Variants in MTUS2 observed in about 807,000 individuals in gnomAD.
The protein encoded by MTUS2 is microtubule associated scaffold protein 2, also known as microtubule-associated tumor suppressor candidate 2.
MTUS2 carries 40 observed loss-of-function variants against 114.1 expected under a neutral mutation model. The observed-to-expected ratio is 0.35, with a 90% CI of 0.27 to 0.46. The LOEUF (loss-of-function observed/expected upper bound fraction) is 0.46. Among genes scored for constraint, MTUS2 ranks in the 20% least tolerant of loss-of-function variants. MTUS2 has a pLI of 1.00. For synonymous variants in MTUS2, 688 were observed against 672.0 expected, an observed-to-expected ratio of 1.02 and a Z score of -0.37; for missense variants, 1,679 against 1,705.4, an observed-to-expected ratio of 0.98 and a Z score of 0.27.
rs1713739622 is a variant in MTUS2, at chr13:29,364,148, A to G, written c.3117+4675A>G. On this transcript the variant is annotated intron_variant, in intron 8 of 15. Transcript: ENST00000612955. The stretch of plus-strand genomic sequence containing the variant: ...GCACAATTGCAAAACAGGTGAAACA[A>G]TAATCTAAAAGTTAAACACACAGAA... Among the ~76,000 whole-genome samples the G allele has an allele frequency of 2.0e-5, 3 of 152,224 alleles. No homozygotes were observed. In the South Asian group the frequency reaches 6.2e-4, roughly 32 times the overall value.
intron 2 of MTUS2, among the ~76,000 whole-genome samples, chr13:28,866,388 A>G (rs1053033066): frequency 2.0e-5 from 3 of 152,206 alleles, no homozygotes; most frequent in Admixed American, 6.5e-5. Flanking sequence ...ATGCTTATAC[A>G]GGTGTCCACG....
chr13:29,256,384 G>C (rs1897283947), intron 5 of MTUS2, among the ~76,000 whole-genome samples: 1 of 152,204 alleles, frequency 6.6e-6, no homozygotes, highest in Non-Finnish European at 1.5e-5. Context: ...ACTGAAGGGG[G>C]CCAGGTGCCA....
chr13:29,449,326 A>G (rs1878519590), intron 9 of MTUS2, among the ~76,000 whole-genome samples: 1 of 152,146 alleles, frequency 6.6e-6, no homozygotes, highest in Non-Finnish European at 1.5e-5. Context: ...CTCATTTATG[A>G]CTAGTAGCCC....
At chr13:29,445,234 C>T (rs1313992420) in intron 9 of MTUS2, among the ~76,000 whole-genome samples, 2 of 152,242 alleles carry the variant, frequency 1.3e-5, no homozygotes, top group African/African-American at 2.4e-5. Flanking sequence ...TTCTGATGCC[C>T]GGGGTGTGGA....
chr13:29,243,166 G>A (rs2139402555), intron 5 of MTUS2, among the ~76,000 whole-genome samples: 1 of 152,300 alleles, frequency 6.6e-6, no homozygotes, highest in South Asian at 2.1e-4. Context: ...ATTGTCATTA[G>A]CATATAAGAG....
chr13:29,386,184 C>G (rs1872619466), intron 8 of MTUS2, among the ~76,000 whole-genome samples: 1 of 152,146 alleles, frequency 6.6e-6, no homozygotes, highest in Admixed American at 6.5e-5. Flanking sequence ...AAAAAGTTAT[C>G]CTGACACTTG....
intron 5 of MTUS2, among the ~76,000 whole-genome samples, chr13:29,223,915 C>A (rs1373222614): frequency 6.6e-6 from 1 of 152,236 alleles, no homozygotes; most frequent in Non-Finnish European, 1.5e-5. Context: ...TGTGGTACAT[C>A]TGGTCCAACC....
At chr13:29,481,593 C>G (rs1188445823) in intron 10 of MTUS2, among the ~76,000 whole-genome samples, 2 of 152,202 alleles carry the variant, frequency 1.3e-5, no homozygotes, top group Admixed American at 6.5e-5. Flanking sequence ...TTGGGCTACC[C>G]TCCTCGGCTG....
chr13:29,128,814 C>G (rs1217540939), intron 5 of MTUS2, among the ~76,000 whole-genome samples: 5 of 152,088 alleles, frequency 3.3e-5, no homozygotes, highest in African/African-American at 9.7e-5. Flanking sequence ...CAGTTTTGAT[C>G]CATGTCTGGG....
intron 2 of MTUS2, among the ~76,000 whole-genome samples, chr13:28,944,380 T>C (rs895688528): frequency 6.6e-6 from 1 of 152,166 alleles, no homozygotes; most frequent in Non-Finnish European, 1.5e-5. Flanking sequence ...CTTTTATTTT[T>C]ATATATTTAA....
intron 2 of MTUS2, among the ~76,000 whole-genome samples, chr13:28,850,086 A>G (rs925996444): frequency 6.6e-6 from 1 of 152,158 alleles, no homozygotes; most frequent in Non-Finnish European, 1.5e-5. Context: ...CCTTTGGTTC[A>G]TCAGGGCCCA....
intron 5 of MTUS2, among the ~76,000 whole-genome samples, chr13:29,177,795 A>T (rs568230318): frequency 3.5e-4 from 53 of 152,274 alleles, no homozygotes; most frequent in Non-Finnish European, 7.1e-4. Context: ...CTATAGTAGC[A>T]TCGTGGAGAA....
chr13:29,161,620 A>C (rs565108350), intron 5 of MTUS2, among the ~76,000 whole-genome samples: 2 of 152,320 alleles, frequency 1.3e-5, no homozygotes, highest in South Asian at 4.1e-4. Context: ...ACTCTATGAA[A>C]GCATTGTCTA....
In MTUS2 at chr13:29,183,600, A is replaced by G. The variant is rs953355214; in HGVS notation, c.2644+82630A>G. On this transcript the variant is annotated intron_variant, in intron 5 of 15. Coordinates refer to ENST00000612955, the MANE Select transcript of MTUS2 (RefSeq NM_001033602.4). ...CAAGAGCATGTGTATAGGAAAAGAGAATGTTCAAGGGATGAATCTTGGGGA... is the reference window on the plus strand; with the variant it reads ...CAAGAGCATGTGTATAGGAAAAGAGGATGTTCAAGGGATGAATCTTGGGGA... Among the ~76,000 whole-genome samples, 3 of 152,150 alleles carry G rather than the reference A, an allele frequency of 2.0e-5. No individual in the cohort carries two copies. The East Asian group carries it at 5.8e-4, about 29-fold the overall frequency.
intron 5 of MTUS2, among the ~76,000 whole-genome samples, chr13:29,178,725 A>G (rs1320187511): frequency 1.3e-5 from 2 of 152,182 alleles, no homozygotes; most frequent in Non-Finnish European, 2.9e-5. Context: ...TATTTAAGAC[A>G]TTCTAATTTA....
intron 4 of MTUS2, among the ~76,000 whole-genome samples, chr13:29,056,594 C>A (rs933125141): frequency 1.3e-5 from 2 of 151,936 alleles, no homozygotes; most frequent in African/African-American, 4.8e-5. Flanking sequence ...AGGAATTTAT[C>A]CATTTCATCT....
chr13:28,959,893 C>T (rs1883244733), intron 2 of MTUS2, among the ~76,000 whole-genome samples: 1 of 152,230 alleles, frequency 6.6e-6, no homozygotes, highest in African/African-American at 2.4e-5. Flanking sequence ...AGCCCCCTTC[C>T]CCATTTCTTC....
intron 8 of MTUS2, among the ~76,000 whole-genome samples, chr13:29,376,429 A>C (rs1431807865): frequency 6.6e-6 from 1 of 152,202 alleles, no homozygotes; most frequent in African/African-American, 2.4e-5. Context: ...TCAAAAATAC[A>C]ATAAAGCACT....
intron 2 of MTUS2, among the ~76,000 whole-genome samples, chr13:28,941,764 G>A (rs1882252684): frequency 6.6e-6 from 1 of 151,742 alleles, no homozygotes. Context: ...AAGCTTACCT[G>A]CAAAGTAGAA....
Sources: allele counts gnomAD v4.1 joint callset (sites outside exome capture counted in the v4.1 genomes callset), GRCh38; gene constraint gnomAD v4.1.1; transcripts MANE v1.5; gene names NCBI Gene and HGNC (gene_info 2026-07-23, HGNC 2026-07-21).